The following BDP1 variants were observed in gnomAD, a reference collection of about 807,000 sequenced individuals.
The protein encoded by BDP1 is transcription factor TFIIIB component B'' homolog.
In BDP1, 169 loss-of-function variants were observed where a neutral mutation model predicts 266.6. The ratio of observed to expected loss-of-function variants is 0.63; its 90% CI spans 0.56 to 0.72. The LOEUF (loss-of-function observed/expected upper bound fraction) is 0.72. BDP1 is among the 30% of genes least tolerant of loss of function. BDP1 has a pLI of 0.00. For synonymous variants in BDP1, 1,090 were observed against 1,022.4 expected, an observed-to-expected ratio of 1.07 and a Z score of -1.26; for missense variants, 3,015 against 3,053.8, an observed-to-expected ratio of 0.99 and a Z score of 0.30.
At chr5:71,471,206 G>C (rs990671965) in intron 7 of BDP1, among the ~76,000 whole-genome samples, 17 of 146,808 alleles carry the variant, frequency 1.2e-4, no homozygotes, top group African/African-American at 4.3e-4. Flanking sequence ...GCAGTGGTGC[G>C]ATATCGGCTC....
chr5:71,523,531 C>T (rs1399334327), intron 24 of BDP1, among the ~76,000 whole-genome samples: 2 of 152,152 alleles, frequency 1.3e-5, no homozygotes, highest in Non-Finnish European at 2.9e-5. Context: ...CCAGGCTGGT[C>T]TTGAACTCCT....
intron 26 of BDP1, among the ~76,000 whole-genome samples, chr5:71,535,851 A>G (rs1766566683): frequency 6.6e-6 from 1 of 152,142 alleles, no homozygotes; most frequent in Non-Finnish European, 1.5e-5. Context: ...TAAGGAAAGG[A>G]CACCAGTCAT....
chr5:71,456,935 G>A (rs1761225779), intron 1 of BDP1, among the ~76,000 whole-genome samples: 1 of 152,174 alleles, frequency 6.6e-6, no homozygotes, highest in Non-Finnish European at 1.5e-5. Flanking sequence ...TGATAGGAAG[G>A]TGAAACATTT....
At chr5:71,547,956 A>T (rs187561753) in intron 32 of BDP1, among the ~76,000 whole-genome samples, 33 of 152,146 alleles carry the variant, frequency 2.2e-4, no homozygotes, top group South Asian at 8.3e-4. Flanking sequence ...CTGTCTCAAA[A>T]AAATAAATAA....
intron 11 of BDP1, among the ~76,000 whole-genome samples, chr5:71,492,171 GTTGT>G (rs1468465442): frequency 6.6e-6 from 1 of 152,100 alleles, no homozygotes; most frequent in East Asian, 1.9e-4. Flanking sequence ...GGACATTTAG[GTTGT>G]TTTTGTCTGT....
At chr5:71,457,079 G>A (rs1761234895) in intron 1 of BDP1, among the ~76,000 whole-genome samples, 1 of 152,108 alleles carries the variant, frequency 6.6e-6, no homozygotes, top group Non-Finnish European at 1.5e-5. Flanking sequence ...TACACAGAAA[G>A]GAGATACCGA....
At chr5:71,551,257 C>T (rs990041220) in intron 34 of BDP1, among the ~76,000 whole-genome samples, 4 of 152,150 alleles carry the variant, frequency 2.6e-5, no homozygotes, top group Non-Finnish European at 4.4e-5. Context: ...GAGGACCCTG[C>T]GGCCTTCCGC....
rs79245173 is a variant in BDP1 at position 71,515,981 on chromosome 5, A to G, written c.4650-80A>G. ...TTTTTTAGAGTGTTTATTAGAGGAG[A>G]TCCAAATTTTACATTTTTACATTAG... On this transcript the variant is annotated intron_variant, in intron 20 of 38. Transcript: ENST00000358731. The G allele has an allele frequency of 2.1e-3, 1,986 of 954,932 alleles. 26 individuals are homozygous for G. In the African/African-American group the frequency reaches 0.027, roughly 13 times the overall value. The allele number at this position is 954,932 out of a possible 1,614,324, so 59.2% of individuals were successfully genotyped here.
intron 25 of BDP1, among the ~76,000 whole-genome samples, chr5:71,525,413 C>G (rs1241397362): frequency 7.2e-6 from 1 of 138,672 alleles, no homozygotes; most frequent in Non-Finnish European, 1.6e-5. Context: ...ACCTCCCTCC[C>G]GGACGGGGCG....
In BDP1 at chr5:71,501,670, T is replaced by C; in HGVS notation, c.2048+17T>C. 1 of 867,618 alleles carries C rather than the reference T, an allele frequency of 1.2e-6. No homozygotes were observed. The highest frequency in any genetic ancestry group is 1.6e-6 in the Non-Finnish European group (1 of 608,394). 53.7% of individuals were successfully genotyped at this position (867,618 alleles called of 1,614,324 possible). On this transcript the variant is annotated intron_variant, in intron 14 of 38. Coordinates refer to ENST00000358731, the MANE Select transcript of BDP1 (RefSeq NM_018429.3). Reference sequence around the variant, plus strand: ...TGTATCTGTGTGAGTATTCAGGAAGTAGTAAAAAAAAAAAAAAAAAAAAGT... The same window carrying C: ...TGTATCTGTGTGAGTATTCAGGAAGCAGTAAAAAAAAAAAAAAAAAAAAGT...
intron 9 of BDP1, among the ~76,000 whole-genome samples, chr5:71,487,106 T>C (rs866887231): frequency 6.6e-6 from 1 of 152,292 alleles, no homozygotes; most frequent in South Asian, 2.1e-4. Flanking sequence ...TTTAGGCTTA[T>C]GTTTTCTTAA....
intron 16 of BDP1, among the ~76,000 whole-genome samples, chr5:71,509,261 T>C (rs1764755760): frequency 6.6e-6 from 1 of 152,156 alleles, no homozygotes. Flanking sequence ...GATATATATA[T>C]ATATTTAAAC....
intron 6 of BDP1, among the ~76,000 whole-genome samples, chr5:71,469,926 C>G (rs1043755410): frequency 3.3e-5 from 5 of 151,120 alleles, no homozygotes; most frequent in African/African-American, 1.2e-4. Context: ...ACTGCAACCT[C>G]CGCTTCCCGG....
chr5:71,569,623 G>T (rs1378149370), downstream of BDP1, among the ~76,000 whole-genome samples: 1 of 152,180 alleles, frequency 6.6e-6, no homozygotes, highest in Non-Finnish European at 1.5e-5. Context: ...GCACGCGCCT[G>T]TGGTCCCAGC....
At chr5:71,577,021 G>C in the BDP1 span, among the ~76,000 whole-genome samples, 1 of 152,090 alleles carries the variant, frequency 6.6e-6, no homozygotes, top group Admixed American at 6.6e-5. Flanking sequence ...ATGTGTTTTT[G>C]GCAGCTAAGA....
In BDP1 at chr5:71,491,112, G is replaced by T; in HGVS notation, c.1621G>T (p.Asp541Tyr). ...ASTEKVEKRT[D>Y]PILSLSNQQD... is the part of the protein sequence containing the mutation. ...CACTGAAAAAGTTGAGAAAAGAACT[G>T]ACCCCATCCTTTCATTAAGGTATTT... Residue 541 changes from aspartate (D) to tyrosine (Y), a missense_variant, in exon 11 of 39, where the codon GAC becomes TAC. Around this residue, in one of 3 missense-constraint regions of BDP1, gnomAD observed 2,383 missense variants for 2,404.9 expected, o/e 0.99. Coordinates refer to ENST00000358731, the MANE Select transcript of BDP1 (RefSeq NM_018429.3). 6.2e-7 allele frequency: 1 copy of T among 1,613,818 alleles called. No individual in the cohort carries two copies. Among genetic ancestry groups the T allele is most frequent in the Non-Finnish European group, 8.5e-7 (1 of 1,179,856 alleles).
chr5:71,529,120 G>T (rs1352378013), intron 25 of BDP1, among the ~76,000 whole-genome samples: 2 of 152,122 alleles, frequency 1.3e-5, no homozygotes, highest in African/African-American at 4.8e-5. Flanking sequence ...GGCCAGGCAC[G>T]GTGGCTCACA....
At chr5:71,505,896 T>A (rs746097618) in intron 16 of BDP1, among the ~76,000 whole-genome samples, 1 of 152,184 alleles carries the variant, frequency 6.6e-6, no homozygotes, top group Non-Finnish European at 1.5e-5. Context: ...AACCTGAGAG[T>A]GAAAGCTAGG....
the BDP1 span, among the ~76,000 whole-genome samples, chr5:71,576,522 A>G: frequency 0.44 from 67,503 of 152,064 alleles, 15,384 homozygotes; most frequent in South Asian, 0.55. Flanking sequence ...TCCTGGCCCA[A>G]TCGCCTTCAT....
Sources: allele counts gnomAD v4.1 joint callset (sites outside exome capture counted in the v4.1 genomes callset), GRCh38; gene constraint gnomAD v4.1.1; regional missense constraint gnomAD v4.1.1; transcripts MANE v1.5; gene names NCBI Gene and HGNC (gene_info 2026-07-23, HGNC 2026-07-21).